Variants in SNX29 observed in about 807,000 individuals in gnomAD.
SNX29 encodes the protein sorting nexin 29.
Under a neutral mutation model 102.1 loss-of-function variants are expected in SNX29, and 78 were observed. The ratio of observed to expected loss-of-function variants is 0.76; its 90% CI spans 0.64 to 0.92. SNX29 has a LOEUF of 0.92. Among genes scored for constraint, SNX29 ranks in the 40% least tolerant of loss-of-function variants. The probability of loss-of-function intolerance (pLI) is 0.00; values close to 1 mark genes in which losing one functional copy is unlikely to be tolerated. For missense variants in SNX29, 1,280 were observed against 1,061.7 expected, an observed-to-expected ratio of 1.21 and a Z score of -2.86; for synonymous variants, 580 against 414.5, an observed-to-expected ratio of 1.40 and a Z score of -4.85.
intron 11 of SNX29, among the ~76,000 whole-genome samples, chr16:12,085,335 C>T (rs2052114211): frequency 6.6e-6 from 1 of 152,140 alleles, no homozygotes; most frequent in South Asian, 2.1e-4. Context: ...ACTCTTCTTC[C>T]CTTTCCTTTT....
chr16:12,253,551 A>G (rs922111273), intron 14 of SNX29, among the ~76,000 whole-genome samples: 3 of 151,976 alleles, frequency 2.0e-5, no homozygotes, highest in Admixed American at 6.5e-5. Context: ...TTGCCTGAGC[A>G]CAGAGTTGCC....
At position 12,572,794 on chromosome 16, in the gene SNX29, C is replaced by T. The variant is rs1161416181; in HGVS notation, c.*4165C>T. 6.6e-6 allele frequency: 7 copies of T among 1,063,582 alleles called. No homozygotes were observed. Among genetic ancestry groups the T allele is most frequent in the Non-Finnish European group, 6.8e-6 (6 of 878,218 alleles). The allele number at this position is 1,063,582 out of a possible 1,614,324, so 65.9% of individuals were successfully genotyped here. A position where few individuals can be genotyped will look rare whatever the true frequency, so the allele number is the denominator to read the frequency against. On this transcript the variant is annotated 3_prime_UTR_variant, in exon 21 of 21. Transcript: ENST00000566228. ...AAGACCCCACCTCACTCCTCCTTCC[C>T]CAGTACATCAGACTGGTTAGGAGGC...
chr16:12,548,723 C>T (rs1011211572), intron 20 of SNX29, among the ~76,000 whole-genome samples: 73 of 152,250 alleles, frequency 4.8e-4, no homozygotes, highest in African/African-American at 1.5e-3. Flanking sequence ...AGGAGGGGTA[C>T]ATCCAGGGCT....
At chr16:12,030,334 G>A (rs1596639800) in intron 4 of SNX29, among the ~76,000 whole-genome samples, 1 of 152,154 alleles carries the variant, frequency 6.6e-6, no homozygotes, top group Non-Finnish European at 1.5e-5. Flanking sequence ...TCTATTTGGC[G>A]TACAGCACGG....
At chr16:12,028,139 C>T (rs943740395) in intron 4 of SNX29, among the ~76,000 whole-genome samples, 2 of 152,188 alleles carry the variant, frequency 1.3e-5, no homozygotes, top group African/African-American at 2.4e-5. Context: ...ACGGCTGCTG[C>T]TGGGAATCCC....
intron 14 of SNX29, among the ~76,000 whole-genome samples, chr16:12,227,251 G>A (rs1025202469): frequency 2.0e-5 from 3 of 152,140 alleles, no homozygotes; most frequent in Non-Finnish European, 4.4e-5. Flanking sequence ...ATGACCGTGT[G>A]GTTAGGAACA....
intron 14 of SNX29, among the ~76,000 whole-genome samples, chr16:12,271,682 G>C (rs978876200): frequency 1.3e-5 from 2 of 151,868 alleles, no homozygotes; most frequent in African/African-American, 4.8e-5. Context: ...GAGTGCAGTG[G>C]CGTGATCTCA....
intron 13 of SNX29, among the ~76,000 whole-genome samples, chr16:12,145,950 C>T (rs1460952182): frequency 6.6e-6 from 1 of 152,218 alleles, no homozygotes; most frequent in African/African-American, 2.4e-5. Context: ...AAGTGAAATT[C>T]CCATGTTAGA....
chr16:12,430,041 C>T (rs1489732962), intron 18 of SNX29, among the ~76,000 whole-genome samples: 1 of 152,214 alleles, frequency 6.6e-6, no homozygotes, highest in East Asian at 1.9e-4. Flanking sequence ...TGCCTGAGCT[C>T]CGCCTCCTGT....
intron 19 of SNX29, among the ~76,000 whole-genome samples, chr16:12,490,447 T>C (rs1445654281): frequency 1.3e-5 from 2 of 152,254 alleles, no homozygotes; most frequent in Non-Finnish European, 2.9e-5. Context: ...TATCTTTTAC[T>C]ATTAATGAAT....
At chr16:12,005,289 T>C (rs1039079074) in intron 3 of SNX29, among the ~76,000 whole-genome samples, 3 of 152,206 alleles carry the variant, frequency 2.0e-5, no homozygotes, top group Non-Finnish European at 4.4e-5. Flanking sequence ...TCTGCTTGCA[T>C]CAGAATCACC....
chr16:12,548,327 G>A (rs189725580), intron 20 of SNX29, among the ~76,000 whole-genome samples: 7 of 152,316 alleles, frequency 4.6e-5, no homozygotes, highest in South Asian at 2.1e-4. Flanking sequence ...CTGGCTTGGT[G>A]CCTCCATGGG....
intron 15 of SNX29, among the ~76,000 whole-genome samples, chr16:12,311,350 C>A (rs1050039661): frequency 3.3e-5 from 5 of 152,214 alleles, no homozygotes; most frequent in Non-Finnish European, 7.3e-5. Context: ...GCCTCTCACC[C>A]CATGACATTA....
intron 11 of SNX29, among the ~76,000 whole-genome samples, chr16:12,100,397 C>T (rs1427330331): frequency 6.6e-6 from 1 of 152,088 alleles, no homozygotes; most frequent in African/African-American, 2.4e-5. Context: ...TCCAGGGGAG[C>T]GGGGTAGGTA....
chr16:12,080,725 C>G (rs1471375422), intron 11 of SNX29, among the ~76,000 whole-genome samples: 4 of 141,706 alleles, frequency 2.8e-5, no homozygotes, highest in African/African-American at 1.1e-4. Flanking sequence ...GAGTCTTGCT[C>G]TTGTCTCCCA....
chr16:12,261,537 C>T (rs1177831777), intron 14 of SNX29, among the ~76,000 whole-genome samples: 5 of 134,862 alleles, frequency 3.7e-5, no homozygotes, highest in Admixed American at 1.5e-4. Flanking sequence ...CACGTGTCCC[C>T]GGCTGGAGTA....
At chr16:12,526,177 A>G (rs939081082) in intron 20 of SNX29, among the ~76,000 whole-genome samples, 3 of 152,194 alleles carry the variant, frequency 2.0e-5, no homozygotes, top group African/African-American at 2.4e-5. Flanking sequence ...GGGGTAATAT[A>G]AGAGTTTCCT....
chr16:12,319,176 G>C (rs1314107520), intron 15 of SNX29, among the ~76,000 whole-genome samples: 1 of 152,162 alleles, frequency 6.6e-6, no homozygotes, highest in Non-Finnish European at 1.5e-5. Context: ...AGCTCTCTCA[G>C]CTTTTAATAT....
At chr16:12,478,914 G>A (rs371428271) in intron 19 of SNX29, among the ~76,000 whole-genome samples, 1 of 152,182 alleles carries the variant, frequency 6.6e-6, no homozygotes, top group Admixed American at 6.5e-5. Flanking sequence ...GGAGACAGGG[G>A]CACTTCATCA....
Sources: gnomAD v4.1 joint callset for allele counts (sites outside exome capture counted in the v4.1 genomes callset) on GRCh38, gnomAD v4.1.1 for gene constraint, MANE v1.5 for transcripts, NCBI Gene and HGNC (gene_info 2026-07-23, HGNC 2026-07-21) for gene names.